FOXN3: variants seen among roughly 807,000 people sequenced by gnomAD.
FOXN3 encodes forkhead box protein N3.
FOXN3 carries 7 observed loss-of-function variants against 38.4 expected under a neutral mutation model. The ratio of observed to expected loss-of-function variants is 0.18; its 90% CI spans 0.10 to 0.34. FOXN3 has a LOEUF of 0.34. Among genes scored for constraint, FOXN3 ranks in the 10% least tolerant of loss-of-function variants. The pLI is 1.00. For missense variants in FOXN3, 456 were observed against 613.4 expected (o/e 0.74, Z 2.71); for synonymous variants, 230 against 242.2 (o/e 0.95, Z 0.47).
chr14:89,234,397 ACT>A (rs1177831051), intron 4 of FOXN3, among the ~76,000 whole-genome samples: 3 of 151,682 alleles, frequency 2.0e-5, no homozygotes, highest in Non-Finnish European at 4.4e-5. Flanking sequence ...GCATCGCTCT[ACT>A]CTCTGCCTCT....
chr14:89,193,531 A>AC (rs201012879), intron 4 of FOXN3, among the ~76,000 whole-genome samples: 58 of 150,920 alleles, frequency 3.8e-4, no homozygotes, highest in Non-Finnish European at 3.1e-4. Context: ...ATGACCCCCC[A>AC]CCCCCCCACC....
At chr14:89,190,479 T>C (rs1211419037) in intron 4 of FOXN3, 2 of 1,587,454 alleles carry the variant, frequency 1.3e-6, no homozygotes, top group South Asian at 1.1e-5. Context: ...AATAACATTA[T>C]TTACAACGGG....
intron 1 of FOXN3, among the ~76,000 whole-genome samples, chr14:89,569,372 C>T (rs1895443903): frequency 6.6e-6 from 1 of 152,192 alleles, no homozygotes; most frequent in African/African-American, 2.4e-5. Context: ...TGGGCTGTAA[C>T]AAGTCCTCCC....
chr14:89,246,037 T>A (rs1459572683), intron 4 of FOXN3, among the ~76,000 whole-genome samples: 1 of 152,048 alleles, frequency 6.6e-6, no homozygotes, highest in Non-Finnish European at 1.5e-5. Context: ...GGGTACAGGG[T>A]TTTTCCCCCG....
At chr14:89,408,803 A>T (rs962059584) in intron 2 of FOXN3, among the ~76,000 whole-genome samples, 2 of 152,086 alleles carry the variant, frequency 1.3e-5, no homozygotes, top group Admixed American at 6.6e-5. Context: ...AATTTAAGGT[A>T]TTTCTCACCA....
At chr14:89,431,763 G>A (rs1485498986) in intron 1 of FOXN3, among the ~76,000 whole-genome samples, 1 of 152,134 alleles carries the variant, frequency 6.6e-6, no homozygotes, top group Non-Finnish European at 1.5e-5. Context: ...TGCCCAGGCT[G>A]GAGTGCAATG....
rs780183058 is a variant in FOXN3 at position 89,331,076 on chromosome 14, A to G, written c.680+19596T>C. 5.1e-4 allele frequency among the ~76,000 whole-genome samples: 77 copies of G among 152,182 alleles called. 1 individual carries two copies. The highest frequency in any genetic ancestry group is 4.6e-4 in the Admixed American group (7 of 15,276). On this transcript the variant is annotated intron_variant, in intron 3 of 5. Transcript: ENST00000557258. ...AAATATGAAATTTGCCACTTAAACA[A>G]TTTTTTAGGTGTACATACAGTTCAG...
chr14:89,448,558 G>A (rs1892555588), intron 1 of FOXN3, among the ~76,000 whole-genome samples: 1 of 152,168 alleles, frequency 6.6e-6, no homozygotes, highest in African/African-American at 2.4e-5. Context: ...ACAGGGCTGA[G>A]AGTTGATTGC....
intron 4 of FOXN3, among the ~76,000 whole-genome samples, chr14:89,192,355 C>T (rs780703582): frequency 6.9e-6 from 1 of 144,676 alleles, no homozygotes; most frequent in African/African-American, 2.5e-5. Flanking sequence ...TAATAGTATA[C>T]AGTTTATATA....
At chr14:89,563,598 C>G (rs1895291363) in intron 1 of FOXN3, among the ~76,000 whole-genome samples, 1 of 151,952 alleles carries the variant, frequency 6.6e-6, no homozygotes, top group Non-Finnish European at 1.5e-5. Context: ...TGCATGCGAG[C>G]CTTGGGGGAG....
At chr14:89,206,190 T>G (rs1295818752) in intron 4 of FOXN3, among the ~76,000 whole-genome samples, 1 of 152,156 alleles carries the variant, frequency 6.6e-6, no homozygotes, top group African/African-American at 2.4e-5. Context: ...TGGACTAACA[T>G]AGTGGGTAAA....
chr14:89,596,710 G>C (rs1477453451), intron 1 of FOXN3, among the ~76,000 whole-genome samples: 2 of 152,138 alleles, frequency 1.3e-5, no homozygotes, highest in Non-Finnish European at 2.9e-5. Flanking sequence ...AGGAGACATA[G>C]AGCAACTCAG....
intron 3 of FOXN3, among the ~76,000 whole-genome samples, chr14:89,313,054 T>C (rs1279480602): frequency 6.6e-6 from 1 of 152,108 alleles, no homozygotes; most frequent in Non-Finnish European, 1.5e-5. Flanking sequence ...CACAACCAAG[T>C]CCCTGTCTCA....
intron 3 of FOXN3, among the ~76,000 whole-genome samples, chr14:89,337,101 C>T (rs998855050): frequency 2.0e-5 from 3 of 152,092 alleles, no homozygotes; most frequent in Non-Finnish European, 4.4e-5. Flanking sequence ...GGTAGTCAGG[C>T]CATGGTATGC....
rs1887051921 is a variant in FOXN3, at chr14:89,159,583, G to A, written c.*2831C>T. 1.3e-5 allele frequency: 2 copies of A among 152,422 alleles called. No individual in the cohort carries two copies. The highest frequency in any genetic ancestry group is 2.9e-5 in the Non-Finnish European group (2 of 68,038). The allele number at this position is 152,422 out of a possible 1,614,324, so 9.4% of individuals were successfully genotyped here. On this transcript the variant is annotated 3_prime_UTR_variant, in exon 6 of 6. Transcript: ENST00000557258. The stretch of plus-strand genomic sequence containing the variant: ...TGCCCCTTTAGAAAAATGAAATGAG[G>A]GGAGACAGCCCACGGTGGGGGTTTT...
rs1168462591 is a variant in FOXN3, at chr14:89,157,069, T to C, written c.*5345A>G. ...CAGTTCTCAACTTTTGCAAATGAAA[T>C]ACAGTGGAAAAACACTGTTGTATAT... On this transcript the variant is annotated 3_prime_UTR_variant, in exon 6 of 6. Transcript: ENST00000557258. 6.6e-6 allele frequency: 1 copy of C among 152,636 alleles called. No homozygotes were observed. The highest frequency in any genetic ancestry group is 2.4e-5 in the African/African-American group (1 of 41,466). The allele number at this position is 152,636 out of a possible 1,614,324, so 9.5% of individuals were successfully genotyped here.
intron 1 of FOXN3, among the ~76,000 whole-genome samples, chr14:89,467,813 T>G (rs1468426262): frequency 7.8e-6 from 1 of 127,894 alleles, no homozygotes; most frequent in South Asian, 2.7e-4. Flanking sequence ...TGTTTTTTTT[T>G]TTTTTTTTTT....
At chr14:89,400,712 T>A (rs911799930) in intron 2 of FOXN3, among the ~76,000 whole-genome samples, 3 of 152,162 alleles carry the variant, frequency 2.0e-5, no homozygotes, top group Non-Finnish European at 4.4e-5. Context: ...TTTTGAGCCA[T>A]TGCCACCTCA....
chr14:89,528,028 G>T (rs185169349), intron 1 of FOXN3, among the ~76,000 whole-genome samples: 1 of 152,180 alleles, frequency 6.6e-6, no homozygotes, highest in Non-Finnish European at 1.5e-5. Flanking sequence ...TTTTAGCAAA[G>T]ATGTGAAGCA....
Sources: gnomAD v4.1 joint callset for allele counts (sites outside exome capture counted in the v4.1 genomes callset) on GRCh38, gnomAD v4.1.1 for gene constraint, MANE v1.5 for transcripts, NCBI Gene and HGNC (gene_info 2026-07-23, HGNC 2026-07-21) for gene names.